The following TMEM131L variants were observed in gnomAD, a reference collection of about 807,000 sequenced individuals.
TMEM131L encodes transmembrane protein 131-like.
A neutral mutation model predicts 192.2 loss-of-function variants in TMEM131L; 54 were observed. That is an observed-to-expected ratio of 0.28 (90% CI 0.23 to 0.35). The LOEUF (loss-of-function observed/expected upper bound fraction) is 0.35, where lower values mean the gene tolerates loss of function less well. Among genes scored for constraint, TMEM131L ranks in the 10% least tolerant of loss-of-function variants. TMEM131L has a pLI of 1.00. For synonymous variants in TMEM131L, 701 were observed against 704.9 expected, an observed-to-expected ratio of 0.99 and a Z score of 0.09; for missense variants, 1,888 against 1,972.9, an observed-to-expected ratio of 0.96 and a Z score of 0.82.
chr4:153,564,895 A>G (rs1275934365), intron 7 of TMEM131L, among the ~76,000 whole-genome samples: 7 of 152,218 alleles, frequency 4.6e-5, no homozygotes, highest in African/African-American at 7.2e-5. Context: ...TTCTCCCTCC[A>G]GGCTCAGAGC....
intron 3 of TMEM131L, among the ~76,000 whole-genome samples, chr4:153,480,865 G>A (rs1394144772): frequency 6.6e-6 from 1 of 152,068 alleles, no homozygotes; most frequent in Non-Finnish European, 1.5e-5. Context: ...TGGGCCTCTC[G>A]CTGTCCCCAG....
chr4:153,633,609 T>A (rs1470796999), intron 32 of TMEM131L, among the ~76,000 whole-genome samples: 1 of 152,208 alleles, frequency 6.6e-6, no homozygotes, highest in Non-Finnish European at 1.5e-5. Context: ...ATTTGCTATT[T>A]GACATTAATA....
chr4:153,518,325 T>G lies in TMEM131L; in HGVS notation c.240-31748T>G, dbSNP rs527631334. Among the ~76,000 whole-genome samples the G allele has an allele frequency of 2.0e-5, 3 of 152,316 alleles. No homozygotes were observed. In the South Asian group the frequency reaches 6.2e-4, roughly 32 times the overall value. On this transcript the variant is annotated intron_variant, in intron 3 of 34. Transcript: ENST00000409959. ...GCTGCGCATTTCGAAAGACAGTGTT[T>G]TTGCTATAATAGAAAGCTGTGTCCA...
At chr4:153,520,948 C>T (rs534605571) in intron 3 of TMEM131L, among the ~76,000 whole-genome samples, 2 of 152,288 alleles carry the variant, frequency 1.3e-5, no homozygotes, top group Admixed American at 6.5e-5. Context: ...TATAGAGCAG[C>T]TGTTCAGTGT....
intron 16 of TMEM131L, 150 bp from the exon 17 acceptor site, chr4:153,590,903 C>G (rs912194439): frequency 4.9e-6 from 2 of 408,642 alleles, no homozygotes; most frequent in Admixed American, 9.2e-5. Context: ...CTTTCCCATC[C>G]CCAGACCTAG....
chr4:153,471,106 G>A (rs1731130730), intron 2 of TMEM131L, among the ~76,000 whole-genome samples: 1 of 151,994 alleles, frequency 6.6e-6, no homozygotes, highest in African/African-American at 2.4e-5. Context: ...TCCTGCCTGA[G>A]CCTCCTGAGT....
chr4:153,541,525 A>G (rs1736777109), intron 3 of TMEM131L, among the ~76,000 whole-genome samples: 1 of 152,198 alleles, frequency 6.6e-6, no homozygotes, highest in Non-Finnish European at 1.5e-5. Context: ...CGTTGCAAGC[A>G]AGATGGTGAA....
chr4:153,501,478 G>T (rs920341352), intron 3 of TMEM131L, among the ~76,000 whole-genome samples: 1 of 152,148 alleles, frequency 6.6e-6, no homozygotes, highest in African/African-American at 2.4e-5. Flanking sequence ...GGGATTACAG[G>T]TATGGGCCAC....
intron 3 of TMEM131L, among the ~76,000 whole-genome samples, chr4:153,533,788 T>C (rs1267288344): frequency 1.3e-5 from 2 of 152,220 alleles, no homozygotes; most frequent in Admixed American, 6.5e-5. Flanking sequence ...GTTTTTTGCA[T>C]TTTTAAGTTT....
rs1737923689 is a variant in TMEM131L at position 153,555,587 on chromosome 4, G to A, written c.309-200G>A. ...GGCCTAAGCCTTATAAAATAAAGTTGTTTTTTGTTTTATGACTTTTGACTG... is the reference window on the plus strand; with the variant it reads ...GGCCTAAGCCTTATAAAATAAAGTTATTTTTTGTTTTATGACTTTTGACTG... On this transcript the variant is annotated intron_variant, in intron 4 of 34. Transcript: ENST00000409959. The surrounding 1 kb of genome is among the most constrained non-coding windows in gnomAD (Gnocchi z 4.1). 6.6e-6 allele frequency among the ~76,000 whole-genome samples: 1 copy of A among 151,986 alleles called. No homozygotes were observed. The highest frequency in any genetic ancestry group is 1.5e-5 in the Non-Finnish European group (1 of 67,990).
At chr4:153,585,009 T>C (rs754445785) in intron 12 of TMEM131L, 78 bp downstream of exon 12, 9 of 1,118,460 alleles carry the variant, frequency 8.0e-6, no homozygotes, top group South Asian at 1.3e-5. Context: ...TTTAAAAATA[T>C]AGTGATATGA....
intron 12 of TMEM131L, 150 bp downstream of exon 12, chr4:153,585,081 G>T: frequency 1.5e-6 from 1 of 651,544 alleles, no homozygotes. Context: ...CTAACAGGCA[G>T]TGAAAGGGAT....
At chr4:153,522,754 A>C (rs1413328937) in intron 3 of TMEM131L, among the ~76,000 whole-genome samples, 1 of 152,202 alleles carries the variant, frequency 6.6e-6, no homozygotes, top group African/African-American at 2.4e-5. Context: ...GGTCATTCCC[A>C]TATCTCATCG....
chr4:153,537,091 C>T (rs771859112), intron 3 of TMEM131L, among the ~76,000 whole-genome samples: 12 of 152,206 alleles, frequency 7.9e-5, no homozygotes, highest in Admixed American at 2.0e-4. Flanking sequence ...AACACCCTCA[C>T]GGACACACCC....
chr4:153,508,759 C>T (rs1580100661), intron 3 of TMEM131L, among the ~76,000 whole-genome samples: 1 of 150,910 alleles, frequency 6.6e-6, no homozygotes, highest in South Asian at 2.1e-4. Flanking sequence ...ATCCTCCCAA[C>T]TTAGCTCCCC....
chr4:153,592,856 T>G (rs1468001056), intron 18 of TMEM131L, among the ~76,000 whole-genome samples: 1 of 152,192 alleles, frequency 6.6e-6, no homozygotes, highest in African/African-American at 2.4e-5. Context: ...CTTTATCATG[T>G]TTTTTTCACA....
At chr4:153,631,902 G>A (rs1270192735) in intron 31 of TMEM131L, among the ~76,000 whole-genome samples, 1 of 152,138 alleles carries the variant, frequency 6.6e-6, no homozygotes, top group East Asian at 1.9e-4. Flanking sequence ...GGGCTTTTGT[G>A]GTACTGTTTC....
intron 3 of TMEM131L, among the ~76,000 whole-genome samples, chr4:153,508,846 C>T (rs1734162102): frequency 6.6e-6 from 1 of 151,768 alleles, no homozygotes; most frequent in African/African-American, 2.4e-5. Flanking sequence ...GTCTCACTAT[C>T]TTGCCCAGGT....
At position 153,548,183 on chromosome 4, in the gene TMEM131L, C is replaced by T. The variant is rs76005155; in HGVS notation, c.240-1890C>T. 5.4e-3 allele frequency among the ~76,000 whole-genome samples: 816 copies of T among 152,366 alleles called. 9 individuals are homozygous for T. The highest frequency in any genetic ancestry group is 0.018 in the African/African-American group (766 of 41,588). Reference sequence around the variant, plus strand: ...CTGCAAGCCAGTTGTAGGATTAGTGCTGGCCTTTTAGGGTTTGAGTAAATA... The same window carrying T: ...CTGCAAGCCAGTTGTAGGATTAGTGTTGGCCTTTTAGGGTTTGAGTAAATA... On this transcript the variant is annotated intron_variant, in intron 3 of 34. Coordinates refer to ENST00000409959, the MANE Select transcript of TMEM131L (RefSeq NM_001131007.2).
Sources: allele counts gnomAD v4.1 joint callset (sites outside exome capture counted in the v4.1 genomes callset), GRCh38; gene constraint gnomAD v4.1.1; non-coding constraint Gnocchi (gnomAD v3.1); transcripts MANE v1.5; gene names NCBI Gene and HGNC (gene_info 2026-07-23, HGNC 2026-07-21).